CEP104: variants seen among roughly 807,000 people sequenced by gnomAD.
CEP104 encodes the protein centrosomal protein of 104 kDa.
In CEP104, 84 loss-of-function variants were observed where a neutral mutation model predicts 113.3. The ratio of observed to expected loss-of-function variants is 0.74; its 90% CI spans 0.62 to 0.89. CEP104 has a LOEUF of 0.89. CEP104 is among the 40% of genes least tolerant of loss of function. The probability of loss-of-function intolerance (pLI) is 0.00; values close to 1 mark genes in which losing one functional copy is unlikely to be tolerated. For synonymous variants in CEP104, 378 were observed against 421.7 expected, an observed-to-expected ratio of 0.90 and a Z score of 1.27; for missense variants, 1,053 against 1,156.6, an observed-to-expected ratio of 0.91 and a Z score of 1.30.
intron 2 of CEP104, 133 bp downstream of exon 2, chr1:3,852,162 G>T: frequency 1.3e-6 from 1 of 765,188 alleles, no homozygotes; most frequent in South Asian, 2.1e-5. Flanking sequence ...GCCTGACACT[G>T]CATGCTGACA....
intron 15 of CEP104, among the ~76,000 whole-genome samples, chr1:3,828,624 T>C (rs1156677889): frequency 6.6e-6 from 1 of 152,120 alleles, no homozygotes; most frequent in African/African-American, 2.4e-5. Flanking sequence ...CAGAACTCAT[T>C]CACCTGGCAC....
intron 8 of CEP104, 44 bp from the exon 9 acceptor site, chr1:3,837,563 C>T (rs528311382): frequency 3.3e-5 from 49 of 1,483,272 alleles, no homozygotes; most frequent in African/African-American, 2.6e-4. Flanking sequence ...GCCACTGCCA[C>T]GCCAGATATA....
intron 10 of CEP104, 49 bp from the exon 11 acceptor site, chr1:3,835,141 A>G (rs1179743590): frequency 4.1e-6 from 6 of 1,449,752 alleles, no homozygotes; most frequent in Non-Finnish European, 5.6e-6. Flanking sequence ...CCATCCTCCA[A>G]CACTACACAA....
intron 18 of CEP104, among the ~76,000 whole-genome samples, chr1:3,825,538 C>T (rs1388965006): frequency 6.6e-6 from 1 of 152,168 alleles, no homozygotes; most frequent in Non-Finnish European, 1.5e-5. Flanking sequence ...GGAAGGAGCC[C>T]CGAGGGGAGG....
At chr1:3,847,649 GTGC>G in intron 3 of CEP104, 36 bp from the exon 4 acceptor site, 1 of 1,611,976 alleles carries the variant, frequency 6.2e-7, no homozygotes, top group East Asian at 2.2e-5. Flanking sequence ...ATTTGAAAAT[GTGC>G]TGTTCAATAA....
chr1:3,835,469 T>C (rs924801421), intron 10 of CEP104, among the ~76,000 whole-genome samples: 14 of 151,884 alleles, frequency 9.2e-5, no homozygotes, highest in African/African-American at 3.4e-4. Context: ...CCCCTGCGGG[T>C]TCAAGCAATT....
chr1:3,834,957 C>A lies in CEP104; in HGVS notation c.1453G>T (p.Val485Phe). Residue 485 changes from valine (V) to phenylalanine (F), a missense_variant, in exon 11 of 22, where the codon GTT becomes TTT. Physicochemically the swap from Val to Phe is conservative, Grantham distance 50. Transcript: ENST00000378230. ...KNTLRASVFL[V>F]RRAIKDIVTS... ...ACAATGTCCTTTATGGCTCTTCTAA[C>A]GAGAAAGACGGATGCTCTCAGTGTG... 1 of 1,604,568 alleles carries A rather than the reference C, an allele frequency of 6.2e-7. No homozygotes were observed. Among genetic ancestry groups the A allele is most frequent in the Non-Finnish European group, 8.5e-7 (1 of 1,175,068 alleles).
intron 6 of CEP104, among the ~76,000 whole-genome samples, chr1:3,844,421 G>A (rs932020504): frequency 6.6e-6 from 1 of 152,096 alleles, no homozygotes; most frequent in East Asian, 1.9e-4. Context: ...TTGCTTGAAC[G>A]CAGGAAGCAG....
chr1:3,834,906 G>A lies in CEP104; in HGVS notation c.1485+19C>T, dbSNP rs949837755. ...CTCATCCATGCACGCTGGAGCCAGC[G>A]CCAGCTGAGGGCACTCACGGAGGTC... On this transcript the variant is annotated intron_variant, in intron 11 of 21. Coordinates refer to ENST00000378230, the MANE Select transcript of CEP104 (RefSeq NM_014704.4). The A allele has an allele frequency of 5.8e-6, 9 of 1,563,906 alleles. No homozygotes were observed. The highest frequency in any genetic ancestry group is 1.7e-4 in the Middle Eastern group (1 of 6,028).
At position 3,837,548 on chromosome 1, in the gene CEP104, C is replaced by T. The variant is rs559514105; in HGVS notation, c.892-29G>A. On this transcript the variant is annotated intron_variant, in intron 8 of 21. Coordinates refer to ENST00000378230, the MANE Select transcript of CEP104 (RefSeq NM_014704.4). ...GAGAACAAAAAGGAACATTTAATTT[C>T]AAATGCCACTGCCACGCCAGATATA... is the stretch of plus-strand genomic sequence containing the variant. 1.9e-6 allele frequency: 3 copies of T among 1,569,332 alleles called. No individual in the cohort carries two copies. In the South Asian group the frequency reaches 3.3e-5, roughly 17 times the overall value.
rs937349224 is a variant in CEP104 at position 3,829,565 on chromosome 1, G to A, written c.2044-192C>T. 6.7e-5 allele frequency: 44 copies of A among 653,638 alleles called. 1 individual carries two copies. Among genetic ancestry groups the A allele is most frequent in the South Asian group, 5.3e-4 (27 of 51,086 alleles). 40.5% of individuals were successfully genotyped at this position (653,638 alleles called of 1,614,324 possible). A position where few individuals can be genotyped will look rare whatever the true frequency, so the allele number is the denominator to read the frequency against. ...ATAGATAAACCCACTGTGTCCTCAC[G>A]GCTATCGTTATTCCGTTTGCAGCCT... On this transcript the variant is annotated intron_variant, in intron 14 of 21. Transcript: ENST00000378230.
intron 8 of CEP104, among the ~76,000 whole-genome samples, chr1:3,838,700 G>T (rs1036901811): frequency 2.6e-5 from 4 of 152,214 alleles, no homozygotes; most frequent in Non-Finnish European, 4.4e-5. Context: ...GAGATGAAGG[G>T]ATGCAGCAGA....
At chr1:3,831,363 A>G (rs2124660009) in intron 12 of CEP104, 141 bp from the exon 13 acceptor site, 1 of 628,080 alleles carries the variant, frequency 1.6e-6, no homozygotes, top group East Asian at 2.7e-5. Flanking sequence ...CAATGAGAGC[A>G]CTGATCCGTA....
At chr1:3,837,666 C>G in intron 8 of CEP104, 147 bp from the exon 9 acceptor site, 2 of 670,204 alleles carry the variant, frequency 3.0e-6, no homozygotes, top group Non-Finnish European at 5.0e-6. Context: ...CAAAGAGAAA[C>G]TTCCACAGAG....
At chr1:3,825,359 G>A (rs2996427) in intron 18 of CEP104, among the ~76,000 whole-genome samples, 2 of 152,314 alleles carry the variant, frequency 1.3e-5, no homozygotes, top group Non-Finnish European at 2.9e-5. Context: ...CAAACTGGAC[G>A]CAGCCCTGGC....
intron 9 of CEP104, 129 bp from the exon 10 acceptor site, chr1:3,836,821 A>T: frequency 2.9e-6 from 2 of 693,718 alleles, no homozygotes; most frequent in South Asian, 1.8e-5. Flanking sequence ...GCTAAATATC[A>T]GTATCATCAG....
rs1644010285 is a variant in CEP104 at position 3,823,073 on chromosome 1, T to C, written c.2571+101A>G. On this transcript the variant is annotated intron_variant, in intron 20 of 21. Transcript: ENST00000378230. This position sits in a 1 kb window ranked among gnomAD's most constrained non-coding sequence, Gnocchi z 4.1. ...CTCCCTGAACACTCATGTACTGTAC[T>C]CTGTGGCTATGGTCCCGCACTGACA... 1 of 1,080,430 alleles carries C rather than the reference T, an allele frequency of 9.3e-7. No individual in the cohort carries two copies. Among genetic ancestry groups the C allele is most frequent in the Admixed American group, 1.7e-5 (1 of 58,752 alleles). The allele number at this position is 1,080,430 out of a possible 1,614,324, so 66.9% of individuals were successfully genotyped here. A position where few individuals can be genotyped will look rare whatever the true frequency, so the allele number is the denominator to read the frequency against.
chr1:3,829,235 C>G, intron 15 of CEP104, 31 bp downstream of exon 15: 1 of 1,433,754 alleles, frequency 7.0e-7, no homozygotes, highest in South Asian at 1.3e-5. Context: ...CAGCTAAAAG[C>G]ACACAGGTGA....
intron 18 of CEP104, among the ~76,000 whole-genome samples, chr1:3,824,874 G>GGGT (rs1644055415): frequency 2.0e-5 from 3 of 146,390 alleles, no homozygotes; most frequent in Admixed American, 6.7e-5. Context: ...ACCGTGGGAA[G>GGGT]GGCGGCAGTG....
Sources: allele counts gnomAD v4.1 joint callset (sites outside exome capture counted in the v4.1 genomes callset), GRCh38; gene constraint gnomAD v4.1.1; non-coding constraint Gnocchi (gnomAD v3.1); transcripts MANE v1.5; gene names NCBI Gene and HGNC (gene_info 2026-07-23, HGNC 2026-07-21).